Variants in MYO7A observed in about 807,000 individuals in gnomAD.
The protein encoded by MYO7A is unconventional myosin-VIIa.
Under a neutral mutation model 263.8 loss-of-function variants are expected in MYO7A, and 210 were observed. That is an observed-to-expected ratio of 0.80 (90% confidence interval 0.71 to 0.89). The LOEUF is 0.89. Among genes scored for constraint, MYO7A ranks in the 40% least tolerant of loss-of-function variants. MYO7A has a pLI of 0.00. For synonymous variants in MYO7A, 1,239 were observed against 1,197.3 expected (o/e 1.03, Z -0.72); for missense variants, 2,820 against 2,968.3 (o/e 0.95, Z 1.16).
chr11:77,176,058 G>C, intron 18 of MYO7A, among the ~76,000 whole-genome samples: 1 of 152,184 alleles, frequency 6.6e-6, no homozygotes, highest in East Asian at 1.9e-4. Flanking sequence ...GGGACAGTGC[G>C]AGCTCCCAGT....
intron 42 of MYO7A, 119 bp downstream of exon 42, chr11:77,207,521 G>A (rs548379340): frequency 1.3e-5 from 10 of 783,138 alleles, no homozygotes; most frequent in East Asian, 2.7e-5. Flanking sequence ...CTGGCATCTG[G>A]CCATCTTCTT....
intron 15 of MYO7A, among the ~76,000 whole-genome samples, chr11:77,168,445 C>T (rs185833872): frequency 6.6e-6 from 1 of 152,334 alleles, no homozygotes; most frequent in East Asian, 1.9e-4. Flanking sequence ...TCACCTCATT[C>T]ACTCCCCACT....
rs528232681 is a variant in MYO7A at position 77,171,542 on chromosome 11, C to T, written c.1798-1206C>T. On this transcript the variant is annotated intron_variant, in intron 15 of 48. Coordinates refer to ENST00000409709, the MANE Select transcript of MYO7A (RefSeq NM_000260.4). Reference sequence around the variant, plus strand: ...CTGGCTCTTTCTCGGAAGGCCTCATCACAGTCTGGTGGCATAGTACCTAAA... The same window carrying T: ...CTGGCTCTTTCTCGGAAGGCCTCATTACAGTCTGGTGGCATAGTACCTAAA... Among the ~76,000 whole-genome samples the T allele has an allele frequency of 3.3e-5, 5 of 152,322 alleles. No homozygotes were observed. In the East Asian group the frequency reaches 9.7e-4, roughly 29 times the overall value.
intron 2 of MYO7A, among the ~76,000 whole-genome samples, chr11:77,135,063 G>T (rs1950872369): frequency 6.6e-6 from 1 of 152,182 alleles, no homozygotes; most frequent in Admixed American, 6.5e-5. Flanking sequence ...GGAGTTACAG[G>T]AGTGAGCCCC....
Position 77,213,908 on chromosome 11 carries a change from G to A in MYO7A, c.6487G>A (p.Gly2163Ser), listed in dbSNP as rs747656448. ...CACCAAGATCTCCAACTGGAGCAGCGGCAACACCTACTTCCACATCACCAT... is the reference window on the plus strand; with the variant it reads ...CACCAAGATCTCCAACTGGAGCAGCAGCAACACCTACTTCCACATCACCAT... ...PFTKISNWSS[G>S]NTYFHITIGN... is the part of the protein sequence containing the mutation. The change falls in exon 48 of 49, where the codon GGC becomes AGC. Residue 2163 changes from glycine to serine, a missense_variant. Gly to Ser is a moderately conservative substitution (Grantham distance 56). Coordinates refer to ENST00000409709, the MANE Select transcript of MYO7A (RefSeq NM_000260.4). The A allele has an allele frequency of 1.2e-5, 19 of 1,613,938 alleles. No homozygotes were observed. The highest frequency in any genetic ancestry group is 2.2e-5 in the South Asian group (2 of 91,094).
intron 27 of MYO7A, among the ~76,000 whole-genome samples, chr11:77,185,645 C>T (rs1366068129): frequency 6.6e-6 from 1 of 152,204 alleles, no homozygotes; most frequent in African/African-American, 2.4e-5. Context: ...AGTTTGGAAT[C>T]CACTTCTTCT....
intron 28 of MYO7A, 39 bp downstream of exon 28, chr11:77,189,509 C>CT: frequency 6.2e-7 from 1 of 1,612,204 alleles, no homozygotes; most frequent in Non-Finnish European, 8.5e-7. Context: ...GGAAGGGGAG[C>CT]TAGGCCCTGT....
chr11:77,148,620 C>T (rs1258370293), intron 4 of MYO7A, among the ~76,000 whole-genome samples: 1 of 152,128 alleles, frequency 6.6e-6, no homozygotes, highest in Non-Finnish European at 1.5e-5. Context: ...CACAGGGACC[C>T]TTTATGTTCT....
intron 36 of MYO7A, among the ~76,000 whole-genome samples, chr11:77,202,060 G>A (rs769184208): frequency 3.3e-5 from 5 of 152,148 alleles, no homozygotes; most frequent in Admixed American, 6.5e-5. Context: ...CCTTGTCCAG[G>A]CTTTCTGACT....
At chr11:77,194,111 C>T (rs1166203910) in intron 31 of MYO7A, 2 of 682,622 alleles carry the variant, frequency 2.9e-6, no homozygotes, top group East Asian at 2.8e-5. Flanking sequence ...GAGTCCAGCT[C>T]CATGCCAGTG....
chr11:77,180,520 G>A (rs1241656018), intron 22 of MYO7A, 39 bp downstream of exon 22: 22 of 1,568,974 alleles, frequency 1.4e-5, no homozygotes, highest in Non-Finnish European at 1.9e-5. Flanking sequence ...GTGTCCACTT[G>A]CTGGCTTGTC....
At chr11:77,166,416 C>A (rs1163307101) in intron 15 of MYO7A, among the ~76,000 whole-genome samples, 1 of 152,194 alleles carries the variant, frequency 6.6e-6, no homozygotes, top group Non-Finnish European at 1.5e-5. Flanking sequence ...CAGAGCAGAA[C>A]CGGTCAGGGA....
chr11:77,152,966 G>A (rs1183702275), intron 4 of MYO7A, among the ~76,000 whole-genome samples: 2 of 152,186 alleles, frequency 1.3e-5, no homozygotes, highest in East Asian at 1.9e-4. Flanking sequence ...TCTTGGTTGT[G>A]AGTTGAGGTT....
At position 77,147,970 on chromosome 11, in the gene MYO7A, G is replaced by A. The variant is rs1555054932; in HGVS notation, c.285+20G>A. 2 of 1,524,408 alleles carry A rather than the reference G, an allele frequency of 1.3e-6. No homozygotes were observed. Among genetic ancestry groups the A allele is most frequent in the African/African-American group, 2.8e-5 (2 of 72,030 alleles). The allele number at this position is 1,524,408 out of a possible 1,614,324, so 94.4% of individuals were successfully genotyped here. On this transcript the variant is annotated intron_variant, in intron 4 of 48. Coordinates refer to ENST00000409709, the MANE Select transcript of MYO7A (RefSeq NM_000260.4). ...ATCTACGTGAGTGCCGCCCCGCCCG[G>A]TGCCCGTCCAGGCCCCCTCAGGCCC...
chr11:77,169,422 T>C (rs1213131262), intron 15 of MYO7A, among the ~76,000 whole-genome samples: 2 of 152,222 alleles, frequency 1.3e-5, no homozygotes, highest in African/African-American at 4.8e-5. Flanking sequence ...GAGACACCTA[T>C]TCACTCTATG....
intron 4 of MYO7A, 107 bp downstream of exon 4, chr11:77,148,057 T>A: frequency 1.9e-6 from 2 of 1,028,166 alleles, no homozygotes; most frequent in Non-Finnish European, 1.3e-6. Flanking sequence ...GCCGGGGCCC[T>A]GCCTCCTGAG....
At chr11:77,161,335 G>A (rs571664729) in intron 12 of MYO7A, among the ~76,000 whole-genome samples, 5 of 152,180 alleles carry the variant, frequency 3.3e-5, no homozygotes, top group Middle Eastern at 3.4e-3. Context: ...GAGGCTGTAC[G>A]CATCCTGAAC....
chr11:77,204,239 G>T lies in MYO7A; in HGVS notation c.5480+10G>T. ...CCGACAACCACATCAGGTGAGCCAG[G>T]CACAGTGGGCGGATGAGGGGCAGAC... On this transcript the variant is annotated intron_variant, in intron 39 of 48. Coordinates refer to ENST00000409709, the MANE Select transcript of MYO7A (RefSeq NM_000260.4). 1.3e-6 allele frequency: 2 copies of T among 1,564,178 alleles called. No homozygotes were observed. Among genetic ancestry groups the T allele is most frequent in the Non-Finnish European group, 8.7e-7 (1 of 1,154,548 alleles).
Position 77,138,031 on chromosome 11 carries a change from C to T in MYO7A, c.19-4678C>T, listed in dbSNP as rs1950975614. ...TTTTTTCCAAAACTGCCGTCAGGTG[C>T]GGTGCCAGGTGCCACGTTTATCCCG... On this transcript the variant is annotated intron_variant, in intron 2 of 48. Coordinates refer to ENST00000409709, the MANE Select transcript of MYO7A (RefSeq NM_000260.4). The surrounding 1 kb of genome is among the most constrained non-coding windows in gnomAD (Gnocchi z 4.9). Among the ~76,000 whole-genome samples the T allele has an allele frequency of 6.6e-6, 1 of 152,170 alleles. No individual in the cohort carries two copies. The highest frequency in any genetic ancestry group is 1.5e-5 in the Non-Finnish European group (1 of 68,032).
Sources: allele counts gnomAD v4.1 joint callset (sites outside exome capture counted in the v4.1 genomes callset), GRCh38; gene constraint gnomAD v4.1.1; non-coding constraint Gnocchi (gnomAD v3.1); transcripts MANE v1.5; gene names NCBI Gene and HGNC (gene_info 2026-07-23, HGNC 2026-07-21).